Variants in ARFGEF2 observed in about 807,000 individuals in gnomAD.
ARFGEF2 encodes the protein brefeldin A-inhibited guanine nucleotide-exchange protein 2.
A neutral mutation model predicts 219.9 loss-of-function variants in ARFGEF2; 74 were observed. The ratio of observed to expected loss-of-function variants is 0.34; its 90% CI spans 0.28 to 0.41. ARFGEF2 has a LOEUF of 0.41. Ranked by LOEUF, ARFGEF2 falls within the 10% of genes least tolerant of loss-of-function variation. The probability of loss-of-function intolerance (pLI) is 1.00; values close to 1 mark genes in which losing one functional copy is unlikely to be tolerated. For synonymous variants in ARFGEF2, 733 were observed against 799.2 expected (o/e 0.92, Z 1.40); for missense variants, 1,743 against 2,218.3 (o/e 0.79, Z 4.30).
At chr20:48,928,298 A>G (rs1239080471) in intron 1 of ARFGEF2, among the ~76,000 whole-genome samples, 1 of 135,228 alleles carries the variant, frequency 7.4e-6, no homozygotes, top group Non-Finnish European at 1.5e-5. Flanking sequence ...TCCCGGGTTC[A>G]CGCCATTCTC....
rs772099376 is a variant in ARFGEF2, at chr20:49,016,267, T to C, written c.4180-13T>C. On this transcript the variant is annotated splice_polypyrimidine_tract_variant and intron_variant, in intron 30 of 38. Transcript: ENST00000371917. The stretch of plus-strand genomic sequence containing the variant: ...GAGAATAGCTTTTAAGTGTCATCTT[T>C]TTGTTTTCCCAGAAATCTGAGTGGA... The C allele has an allele frequency of 9.3e-6, 15 of 1,613,564 alleles. 1 individual carries two copies. In the South Asian group the frequency reaches 1.5e-4, roughly 17 times the overall value.
At chr20:49,000,574 G>A (rs907454469) in intron 25 of ARFGEF2, among the ~76,000 whole-genome samples, 1 of 152,136 alleles carries the variant, frequency 6.6e-6, no homozygotes. Flanking sequence ...ATTCCTAATT[G>A]GACCAATTGA....
At chr20:48,937,042 A>G (rs967888243) in intron 1 of ARFGEF2, among the ~76,000 whole-genome samples, 10 of 152,134 alleles carry the variant, frequency 6.6e-5, no homozygotes, top group African/African-American at 2.2e-4. Context: ...GACTACTGCT[A>G]TTTGAGCATT....
chr20:49,023,862 A>G (rs2091584383), intron 35 of ARFGEF2, among the ~76,000 whole-genome samples: 1 of 152,272 alleles, frequency 6.6e-6, no homozygotes, highest in South Asian at 2.1e-4. Flanking sequence ...ATCACAAATA[A>G]GTGAGGAGGA....
At chr20:49,000,970 T>A (rs1454943465) in intron 25 of ARFGEF2, among the ~76,000 whole-genome samples, 1 of 151,808 alleles carries the variant, frequency 6.6e-6, no homozygotes, top group African/African-American at 2.4e-5. Context: ...GAACCAGACA[T>A]TTAATTGTCA....
At chr20:48,936,097 G>A (rs1250161094) in intron 1 of ARFGEF2, among the ~76,000 whole-genome samples, 1 of 140,132 alleles carries the variant, frequency 7.1e-6, no homozygotes, top group African/African-American at 2.7e-5. Flanking sequence ...CCTCCCTCCC[G>A]GACGGGGCGG....
intron 34 of ARFGEF2, among the ~76,000 whole-genome samples, chr20:49,021,691 C>CA (rs1165544094): frequency 1.3e-5 from 2 of 150,388 alleles, no homozygotes; most frequent in Non-Finnish European, 3.0e-5. Context: ...ATTAAAACTA[C>CA]AAAAAAAATT....
intron 1 of ARFGEF2, among the ~76,000 whole-genome samples, chr20:48,932,141 G>A (rs1014714491): frequency 1.3e-5 from 2 of 152,152 alleles, no homozygotes; most frequent in African/African-American, 4.8e-5. Flanking sequence ...GGGATGGGAG[G>A]TGACAGAGGT....
chr20:48,995,832 A>G lies in ARFGEF2; in HGVS notation c.3171A>G (p.Gln1057=), dbSNP rs747914154. The change falls in exon 23 of 39, where the codon CAA becomes CAG. Residue 1057 remains glutamine, a synonymous_variant. Coordinates refer to ENST00000371917, the MANE Select transcript of ARFGEF2 (RefSeq NM_006420.3). ...ATAAAAGACAGATGGCCAGCTTCCA[A>G]GAATCGGTTGGTGAGACCAGCTCGC... ...GVDKRQMASF[Q]ESVGETSSQS... is the part of the protein sequence containing the mutation. The G allele has an allele frequency of 6.2e-7, 1 of 1,614,210 alleles. No homozygotes were observed. Among genetic ancestry groups the G allele is most frequent in the Non-Finnish European group, 8.5e-7 (1 of 1,180,038 alleles).
At chr20:49,015,651 G>C (rs1001058317) in intron 30 of ARFGEF2, among the ~76,000 whole-genome samples, 2 of 152,170 alleles carry the variant, frequency 1.3e-5, no homozygotes, top group African/African-American at 4.8e-5. Context: ...CTGACCTGCA[G>C]ATATCTCTGT....
chr20:49,023,592 G>A (rs1442104793), intron 35 of ARFGEF2, among the ~76,000 whole-genome samples: 2 of 149,684 alleles, frequency 1.3e-5, no homozygotes, highest in Non-Finnish European at 3.0e-5. Context: ...AGGCTGGAGT[G>A]CAGTGGCGCG....
rs1167781550 is a variant in ARFGEF2 at position 49,033,487 on chromosome 20, C to T, written c.*288C>T. ...TCAAATCTGTCATTGCATATGCCAT[C>T]GTTTTCTAGCAAAATCCCATGATTG... On this transcript the variant is annotated 3_prime_UTR_variant, in exon 39 of 39. Coordinates refer to ENST00000371917, the MANE Select transcript of ARFGEF2 (RefSeq NM_006420.3). 1.0e-5 allele frequency: 4 copies of T among 389,636 alleles called. No individual in the cohort carries two copies. Among genetic ancestry groups the T allele is most frequent in the African/African-American group, 2.0e-5 (1 of 49,898 alleles). The allele number at this position is 389,636 out of a possible 1,614,324, so 24.1% of individuals were successfully genotyped here.
At chr20:48,968,848 T>C (rs867984444) in intron 8 of ARFGEF2, among the ~76,000 whole-genome samples, 1 of 152,200 alleles carries the variant, frequency 6.6e-6, no homozygotes, top group Admixed American at 6.5e-5. Flanking sequence ...TCCTATTTTG[T>C]CATATCCTTC....
At chr20:48,958,643 C>T (rs1250409121) in intron 6 of ARFGEF2, among the ~76,000 whole-genome samples, 3 of 151,852 alleles carry the variant, frequency 2.0e-5, no homozygotes, top group African/African-American at 7.3e-5. Context: ...GGTGTTTCAC[C>T]GCGCTAGCCA....
chr20:49,003,989 CAT>C (rs377365217), intron 25 of ARFGEF2, among the ~76,000 whole-genome samples: 1 of 151,914 alleles, frequency 6.6e-6, no homozygotes, highest in Admixed American at 6.6e-5. Context: ...TTTGACCCTT[CAT>C]ATATATATAT....
intron 1 of ARFGEF2, among the ~76,000 whole-genome samples, chr20:48,935,782 C>A (rs1251261206): frequency 6.9e-6 from 1 of 145,104 alleles, no homozygotes. Context: ...CTGACCCCCC[C>A]ACCTCCCTCC....
intron 26 of ARFGEF2, among the ~76,000 whole-genome samples, chr20:49,009,222 A>T (rs1346599396): frequency 1.3e-5 from 2 of 152,188 alleles, no homozygotes; most frequent in African/African-American, 4.8e-5. Flanking sequence ...TGCAGGTGAC[A>T]TGTTTACTTT....
At chr20:48,952,148 CTTTTTTTTTTT>C (rs11475141) in intron 4 of ARFGEF2, among the ~76,000 whole-genome samples, 3 of 55,448 alleles carry the variant, frequency 5.4e-5, no homozygotes, top group Admixed American at 6.0e-4. Flanking sequence ...GAAGTTTGGC[CTTTTTTTTTTT>C]TTTTTTTTTT....
At chr20:49,023,876 G>A (rs966780909) in intron 35 of ARFGEF2, among the ~76,000 whole-genome samples, 1 of 152,164 alleles carries the variant, frequency 6.6e-6, no homozygotes, top group African/African-American at 2.4e-5. Context: ...AGGAGGAAAA[G>A]ATATATATAA....
Sources: gnomAD v4.1 joint callset for allele counts (sites outside exome capture counted in the v4.1 genomes callset) on GRCh38, gnomAD v4.1.1 for gene constraint, MANE v1.5 for transcripts, NCBI Gene and HGNC (gene_info 2026-07-23, HGNC 2026-07-21) for gene names.